The following ZNF385D variants were observed in gnomAD, a reference collection of about 807,000 sequenced individuals.
The protein encoded by ZNF385D is zinc finger protein 659.
ZNF385D carries 15 observed loss-of-function variants against 35.8 expected under a neutral mutation model. The ratio of observed to expected loss-of-function variants is 0.42; its 90% CI spans 0.28 to 0.64. The LOEUF is 0.64. Among genes scored for constraint, ZNF385D ranks in the 30% least tolerant of loss-of-function variants. The probability of loss-of-function intolerance (pLI) is 0.23; values close to 1 mark genes in which losing one functional copy is unlikely to be tolerated. For synonymous variants in ZNF385D, 212 were observed against 186.8 expected (o/e 1.13, Z -1.10); for missense variants, 474 against 494.6 (o/e 0.96, Z 0.39).
At chr3:21,910,084 T>TAC (rs112815077) in intron 3 of ZNF385D, among the ~76,000 whole-genome samples, 12,355 of 149,298 alleles carry the variant, frequency 0.083, 514 homozygotes, top group African/African-American at 0.098. Context: ...ACATATATTT[T>TAC]ACACACACAC....
chr3:22,179,882 G>A (rs1443787638), intron 2 of ZNF385D, among the ~76,000 whole-genome samples: 12 of 152,002 alleles, frequency 7.9e-5, no homozygotes, highest in Admixed American at 2.0e-4. Context: ...AAGAACTAGA[G>A]AAGCAAGAGC....
chr3:22,102,262 G>A (rs1297184919), intron 3 of ZNF385D, among the ~76,000 whole-genome samples: 2 of 151,958 alleles, frequency 1.3e-5, no homozygotes, highest in African/African-American at 4.8e-5. Flanking sequence ...ACACTGCTAA[G>A]TATTTTACAC....
chr3:21,930,951 T>G lies in ZNF385D; in HGVS notation c.325+237866A>C, dbSNP rs1430327952. 3.3e-5 allele frequency among the ~76,000 whole-genome samples: 5 copies of G among 152,102 alleles called. No individual in the cohort carries two copies. The East Asian group carries it at 7.7e-4, about 23-fold the overall frequency. ...TTAAAAGCACAATCCATTTAAAAACTTATAAATTCAACTTCATCAAAATAA... is the reference window on the plus strand; with the variant it reads ...TTAAAAGCACAATCCATTTAAAAACGTATAAATTCAACTTCATCAAAATAA... On this transcript the variant is annotated intron_variant, in intron 3 of 5. Coordinates refer to the ZNF385D transcript ENST00000494108.
At chr3:21,492,083 C>G (rs1705465264) in intron 4 of ZNF385D, among the ~76,000 whole-genome samples, 1 of 152,004 alleles carries the variant, frequency 6.6e-6, no homozygotes, top group South Asian at 2.1e-4. Context: ...CTCACTGACC[C>G]AACCAGGAAG....
intron 2 of ZNF385D, among the ~76,000 whole-genome samples, chr3:22,228,325 C>A (rs1698684101): frequency 6.6e-6 from 1 of 152,280 alleles, no homozygotes; most frequent in East Asian, 1.9e-4. Context: ...TTATGTGGGA[C>A]TGCCACCCCT....
intron 3 of ZNF385D, among the ~76,000 whole-genome samples, chr3:22,128,400 A>G (rs2125680355): frequency 6.6e-6 from 1 of 152,110 alleles, no homozygotes; most frequent in Non-Finnish European, 1.5e-5. Flanking sequence ...GTGTTTTATA[A>G]CCTTCTTGTA....
intron 3 of ZNF385D, among the ~76,000 whole-genome samples, chr3:21,782,733 T>C (rs1468117951): frequency 1.3e-5 from 2 of 152,134 alleles, no homozygotes; most frequent in African/African-American, 4.8e-5. Flanking sequence ...AAATATGTTC[T>C]ACTACTTTTA....
chr3:22,290,634 G>A (rs955592483), intron 2 of ZNF385D, among the ~76,000 whole-genome samples: 1 of 152,140 alleles, frequency 6.6e-6, no homozygotes, highest in Non-Finnish European at 1.5e-5. Flanking sequence ...ATGTTTCTGA[G>A]GGGCCTAGAT....
chr3:21,445,122 T>C (rs1702081488), intron 4 of ZNF385D, among the ~76,000 whole-genome samples: 1 of 152,232 alleles, frequency 6.6e-6, no homozygotes, highest in Non-Finnish European at 1.5e-5. Flanking sequence ...CTTTATATCT[T>C]CAACCTCCAC....
At chr3:21,695,720 C>T (rs565301964) in intron 1 of ZNF385D, among the ~76,000 whole-genome samples, 1 of 151,532 alleles carries the variant, frequency 6.6e-6, no homozygotes, top group African/African-American at 2.4e-5. Context: ...ACAATTTTAT[C>T]CTTGCTAGTC....
intron 3 of ZNF385D, among the ~76,000 whole-genome samples, chr3:21,855,206 T>A (rs1459693443): frequency 1.3e-5 from 2 of 152,076 alleles, no homozygotes; most frequent in African/African-American, 4.8e-5. Flanking sequence ...GCTAGCAATC[T>A]AGTCCTTGCA....
At chr3:22,204,979 C>CAAAAAAAAA (rs761954306) in intron 2 of ZNF385D, among the ~76,000 whole-genome samples, 4 of 92,974 alleles carry the variant, frequency 4.3e-5, no homozygotes, top group Non-Finnish European at 8.5e-5. Flanking sequence ...TGACCAAATC[C>CAAAAAAAAA]AAAAAAAAAA....
rs141319344 is a variant in ZNF385D, at chr3:22,117,609, C to A, written c.325+51208G>T. ...TACAAAAAAAATGATATTCTTTTAA[C>A]TTTAAATTAGACTTAAATTGAATAT... is the stretch of plus-strand genomic sequence containing the variant. On this transcript the variant is annotated intron_variant, in intron 3 of 5. Coordinates refer to the ZNF385D transcript ENST00000494108. Among the ~76,000 whole-genome samples the A allele has an allele frequency of 1.1e-3, 166 of 151,540 alleles. 2 individuals carry two copies. Among genetic ancestry groups the A allele is most frequent in the African/African-American group, 4.0e-3 (165 of 41,342 alleles).
intron 3 of ZNF385D, among the ~76,000 whole-genome samples, chr3:21,996,335 C>T (rs1025841235): frequency 6.6e-6 from 1 of 152,256 alleles, no homozygotes; most frequent in Non-Finnish European, 1.5e-5. Flanking sequence ...TGGAGTTTCT[C>T]CTGGCTCCAA....
chr3:21,579,378 A>G (rs748054518), intron 2 of ZNF385D: 1 of 152,208 alleles, frequency 6.6e-6, no homozygotes, highest in Non-Finnish European at 1.5e-5. Context: ...ATGTGAAAAT[A>G]AAGGTAAGGA....
chr3:22,221,887 G>A (rs1014591033), intron 2 of ZNF385D, among the ~76,000 whole-genome samples: 2 of 152,118 alleles, frequency 1.3e-5, no homozygotes, highest in South Asian at 2.1e-4. Context: ...CAGAGTAGCA[G>A]ATGTGAATGC....
At chr3:21,498,202 T>C (rs1189894570) in intron 4 of ZNF385D, among the ~76,000 whole-genome samples, 2 of 152,118 alleles carry the variant, frequency 1.3e-5, no homozygotes, top group Non-Finnish European at 2.9e-5. Flanking sequence ...CCTTAGATCA[T>C]ATAGAAAAAT....
intron 3 of ZNF385D, among the ~76,000 whole-genome samples, chr3:21,903,469 T>A (rs539297882): frequency 4.7e-4 from 72 of 152,282 alleles, no homozygotes; most frequent in Middle Eastern, 3.4e-3. Flanking sequence ...ATAGACAGTA[T>A]CATCTCAGGC....
intron 2 of ZNF385D, among the ~76,000 whole-genome samples, chr3:22,192,497 C>G (rs1696127239): frequency 6.6e-6 from 1 of 152,116 alleles, no homozygotes; most frequent in Non-Finnish European, 1.5e-5. Flanking sequence ...GTTCACAAGA[C>G]TTCTGCCTTA....
Sources: gnomAD v4.1 joint callset for allele counts (sites outside exome capture counted in the v4.1 genomes callset) on GRCh38, gnomAD v4.1.1 for gene constraint, MANE v1.5 for transcripts, NCBI Gene and HGNC (gene_info 2026-07-23, HGNC 2026-07-21) for gene names.